The following MCM5 variants were observed in gnomAD, a reference collection of about 807,000 sequenced individuals.
MCM5 encodes DNA replication licensing factor MCM5.
MCM5 carries 46 observed loss-of-function variants against 79.9 expected under a neutral mutation model. That is an observed-to-expected ratio of 0.58 (90% CI 0.45 to 0.74). The LOEUF (loss-of-function observed/expected upper bound fraction) is 0.74, where lower values mean the gene tolerates loss of function less well. Among genes scored for constraint, MCM5 ranks in the 30% least tolerant of loss-of-function variants. MCM5 has a pLI of 0.00. For synonymous variants in MCM5, 404 were observed against 390.5 expected, an observed-to-expected ratio of 1.03 and a Z score of -0.41; for missense variants, 883 against 1,017.0, an observed-to-expected ratio of 0.87 and a Z score of 1.79.
chr22:35,400,774 C>CT (rs1442798806), intron 2 of MCM5, among the ~76,000 whole-genome samples, 169 bp downstream of exon 2: 1 of 151,952 alleles, frequency 6.6e-6, no homozygotes, highest in Non-Finnish European at 1.5e-5. Flanking sequence ...TGGTATAAGG[C>CT]TTTGTGTATT....
chr22:35,410,189 C>T (rs1385831800), intron 6 of MCM5, among the ~76,000 whole-genome samples: 1 of 152,142 alleles, frequency 6.6e-6, no homozygotes, highest in Non-Finnish European at 1.5e-5. Context: ...TCCCTCCACA[C>T]CACCCTGTCT....
chr22:35,454,118 G>A, the MCM5 span, among the ~76,000 whole-genome samples: 1 of 152,120 alleles, frequency 6.6e-6, no homozygotes, highest in Non-Finnish European at 1.5e-5. Flanking sequence ...GGCAGCATGT[G>A]TGAGGTCGGT....
intron 13 of MCM5, among the ~76,000 whole-genome samples, chr22:35,419,526 G>A (rs1932639758): frequency 1.3e-5 from 2 of 152,158 alleles, no homozygotes; most frequent in Non-Finnish European, 2.9e-5. Flanking sequence ...GGGCCTCCAT[G>A]CCGCTGTGAT....
At chr22:35,424,053 G>A in intron 16 of MCM5, 101 bp from the exon 17 acceptor site, 1 of 727,222 alleles carries the variant, frequency 1.4e-6, no homozygotes, top group East Asian at 2.9e-5. Context: ...TTAGGTCAAA[G>A]GAGCCTGAGT....
At chr22:35,429,648 G>GC (rs1932800052), downstream of MCM5, among the ~76,000 whole-genome samples, 3 of 152,038 alleles carry the variant, frequency 2.0e-5, no homozygotes, top group Middle Eastern at 3.4e-3. Context: ...CAATTCTCCT[G>GC]CCCCAGGCTC....
intron 13 of MCM5, 77 bp from the exon 14 acceptor site, chr22:35,419,807 C>A: frequency 6.8e-7 from 1 of 1,461,908 alleles, no homozygotes; most frequent in Non-Finnish European, 9.2e-7. Flanking sequence ...TGTAAGCTGG[C>A]AGGGGGCTGG....
chr22:35,422,894 G>A (rs1932730846), intron 15 of MCM5: 1 of 211,472 alleles, frequency 4.7e-6, no homozygotes, highest in Non-Finnish European at 9.3e-6. Context: ...GAGTCCTGCT[G>A]TGGCCTCCAA....
chr22:35,439,996 T>TA, the MCM5 span, among the ~76,000 whole-genome samples: 2 of 151,964 alleles, frequency 1.3e-5, no homozygotes, highest in South Asian at 4.2e-4. Context: ...AAGGAAGAAA[T>TA]AAAAAAAATC....
At chr22:35,423,144 A>T in intron 15 of MCM5, 70 bp from the exon 16 acceptor site, 1 of 1,469,298 alleles carries the variant, frequency 6.8e-7, no homozygotes, top group Non-Finnish European at 9.1e-7. Flanking sequence ...TCCTTGGGCT[A>T]GAGGCTGTCT....
Position 35,412,135 on chromosome 22 carries a change from C to T in MCM5, c.920-375C>T, listed in dbSNP as rs139689757. On this transcript the variant is annotated intron_variant, in intron 7 of 16. Coordinates refer to ENST00000216122, the MANE Select transcript of MCM5 (RefSeq NM_006739.4). Reference sequence around the variant, plus strand: ...ATCACCGTTGATCCTCCCCAGTGTTCGTCTCCACCTTGCCCTACCTTCTCT... The same window carrying T: ...ATCACCGTTGATCCTCCCCAGTGTTTGTCTCCACCTTGCCCTACCTTCTCT... 7.1e-3 allele frequency among the ~76,000 whole-genome samples: 1,074 copies of T among 152,338 alleles called. 6 individuals carry two copies. Among genetic ancestry groups the T allele is most frequent in the Non-Finnish European group, 0.011 (748 of 68,022 alleles).
chr22:35,416,511 C>CTGTGTGTG lies in MCM5; in HGVS notation c.1414-73_1414-66dup, dbSNP rs133421. The CTGTGTGTG allele has an allele frequency of 3.4e-3, 3,488 of 1,022,838 alleles. 20 individuals carry two copies. The highest frequency in any genetic ancestry group is 0.015 in the East Asian group (493 of 33,798). The allele number at this position is 1,022,838 out of a possible 1,614,324, so 63.4% of individuals were successfully genotyped here. ...AGTTCTCTTTGCCCAGGCCTAGAAT[C>CTGTGTGTG]TGTGTGTGTGTGTGTGTGTGTGTGT... On this transcript the variant is annotated intron_variant, in intron 11 of 16. Coordinates refer to ENST00000216122, the MANE Select transcript of MCM5 (RefSeq NM_006739.4).
intron 2 of MCM5, among the ~76,000 whole-genome samples, chr22:35,402,468 A>C (rs1932083955): frequency 1.3e-5 from 2 of 151,192 alleles, no homozygotes; most frequent in Non-Finnish European, 1.5e-5. Context: ...CTAGGATTAC[A>C]GGCATCCGCC....
chr22:35,421,852 C>T lies in MCM5; in HGVS notation c.1975+392C>T, dbSNP rs4645815. On this transcript the variant is annotated intron_variant, in intron 15 of 16. Transcript: ENST00000216122. ...GAAGCCAGGTGAGCAGTCAGTCCTG[C>T]CCATGTTAGAAATGAGACAGCTGAC... The T allele has an allele frequency of 4.2e-3, 1,344 of 318,816 alleles. 31 individuals are homozygous for T. The highest frequency in any genetic ancestry group is 0.04 in the Admixed American group (953 of 23,732). The allele number at this position is 318,816 out of a possible 1,614,324, so 19.7% of individuals were successfully genotyped here.
the MCM5 span, among the ~76,000 whole-genome samples, chr22:35,436,379 T>C: frequency 2.0e-5 from 3 of 152,098 alleles, no homozygotes; most frequent in Non-Finnish European, 4.4e-5. Flanking sequence ...CCACACGCTG[T>C]TACATGTGAC....
chr22:35,428,357 C>T (rs1932791242), downstream of MCM5, among the ~76,000 whole-genome samples: 1 of 151,512 alleles, frequency 6.6e-6, no homozygotes, highest in Admixed American at 6.6e-5. Flanking sequence ...GGGTGGTTCT[C>T]ACTGTGTTGC....
At chr22:35,433,624 C>T in the MCM5 span, among the ~76,000 whole-genome samples, 1 of 152,338 alleles carries the variant, frequency 6.6e-6, no homozygotes, top group East Asian at 1.9e-4. Flanking sequence ...CTTCTGTCCT[C>T]ATATCCCCAC....
chr22:35,440,958 G>A, the MCM5 span, among the ~76,000 whole-genome samples: 1 of 151,964 alleles, frequency 6.6e-6, no homozygotes, highest in African/African-American at 2.4e-5. Flanking sequence ...TCGGGAGTCT[G>A]AGGCAGGAGA....
the MCM5 span, among the ~76,000 whole-genome samples, chr22:35,443,857 G>A: frequency 6.6e-6 from 1 of 152,000 alleles, no homozygotes; most frequent in Non-Finnish European, 1.5e-5. Flanking sequence ...CTCGGAGGGG[G>A]CCGTGGGCCG....
In MCM5 at chr22:35,410,872, T is replaced by A; in HGVS notation, c.881T>A (p.Ile294Asn). Reference protein sequence around the residue: ...RVGVGIRSSYIRVLGIQVDTD... With the variant: ...RVGVGIRSSYNRVLGIQVDTD... The stretch of plus-strand genomic sequence containing the variant: ...GGCGTGGGCATCCGAAGCTCCTACA[T>A]CCGTGTCCTGGGCATCCAGGTGGAC... Residue 294 changes from isoleucine (I) to asparagine (N), a missense_variant, in exon 7 of 17, where the codon ATC (isoleucine) becomes AAC (asparagine). By Grantham distance (149) the Ile-to-Asn change is moderately radical. Coordinates refer to ENST00000216122, the MANE Select transcript of MCM5 (RefSeq NM_006739.4). 6.2e-7 allele frequency: 1 copy of A among 1,611,470 alleles called. No homozygotes were observed. The highest frequency in any genetic ancestry group is 8.5e-7 in the Non-Finnish European group (1 of 1,177,906).
Sources: allele counts gnomAD v4.1 joint callset (sites outside exome capture counted in the v4.1 genomes callset), GRCh38; gene constraint gnomAD v4.1.1; transcripts MANE v1.5; gene names NCBI Gene and HGNC (gene_info 2026-07-23, HGNC 2026-07-21).